The following KCNG2 variants were observed in gnomAD, a reference collection of about 807,000 sequenced individuals.
KCNG2 encodes the protein voltage-gated potassium channel regulatory subunit KCNG2.
KCNG2 carries 7 observed loss-of-function variants against 12.3 expected under a neutral mutation model. The observed-to-expected ratio is 0.57, with a 90% CI of 0.32 to 1.07. The LOEUF is 1.07. Among genes scored for constraint, KCNG2 ranks in the 50% least tolerant of loss-of-function variants. The pLI, the probability that KCNG2 is intolerant of heterozygous loss-of-function variation, is 0.04. For missense variants in KCNG2, 703 were observed against 726.0 expected, an observed-to-expected ratio of 0.97 and a Z score of 0.36; for synonymous variants, 414 against 351.4, an observed-to-expected ratio of 1.18 and a Z score of -1.99.
At chr18:79,854,790 G>A (rs530829990) in intron 1 of KCNG2, among the ~76,000 whole-genome samples, 2 of 152,286 alleles carry the variant, frequency 1.3e-5, no homozygotes, top group East Asian at 3.9e-4. Context: ...AGGGATTACA[G>A]GTGTGAGCCA....
At chr18:79,826,381 T>A (rs994410688) in intron 1 of KCNG2, among the ~76,000 whole-genome samples, 9 of 152,252 alleles carry the variant, frequency 5.9e-5, no homozygotes, top group Non-Finnish European at 1.0e-4. Flanking sequence ...TTCCCAGGCC[T>A]GCCCAGCTGC....
chr18:79,868,656 C>A (rs1338346244), intron 3 of KCNG2, among the ~76,000 whole-genome samples: 1 of 152,162 alleles, frequency 6.6e-6, no homozygotes, highest in African/African-American at 2.4e-5. Flanking sequence ...AGGACGTCAC[C>A]TTTTGTCCAC....
Position 79,899,745 on chromosome 18 carries a change from T to A in KCNG2, c.1330T>A (p.Ser444Thr), listed in dbSNP as rs759517480. 1 of 1,588,330 alleles carries A rather than the reference T, an allele frequency of 6.3e-7. No individual in the cohort carries two copies. Among genetic ancestry groups the A allele is most frequent in the Admixed American group, 1.7e-5 (1 of 57,972 alleles). The change falls in exon 4 of 4, where the codon TCG becomes ACG. Residue 444 changes from serine to threonine, a missense_variant. Physicochemically the swap from Ser to Thr is moderately conservative, Grantham distance 58. Coordinates refer to ENST00000316249, the MANE Select transcript of KCNG2 (RefSeq NM_012283.2). Reference sequence around the variant, plus strand: ...CTCGGCCACAGCCACCGAGGACAGCTCGCAGGGCCCCGACAGCGCGGGCCT... The same window carrying A: ...CTCGGCCACAGCCACCGAGGACAGCACGCAGGGCCCCGACAGCGCGGGCCT... Reference protein sequence around the residue: ...THSATATEDSSQGPDSAGLAD... With the variant: ...THSATATEDSTQGPDSAGLAD...
chr18:79,809,915 C>A (rs1196628489), intron 1 of KCNG2, among the ~76,000 whole-genome samples: 5 of 152,228 alleles, frequency 3.3e-5, no homozygotes, highest in Non-Finnish European at 7.3e-5. Flanking sequence ...GACGCTCCAA[C>A]TTTCCGGGGC....
rs2122986998 is a variant in KCNG2 at position 79,803,629 on chromosome 18, A to G, written c.-115+5615A>G. Among the ~76,000 whole-genome samples, 1 of 152,102 alleles carries G rather than the reference A, an allele frequency of 6.6e-6. No homozygotes were observed. Among genetic ancestry groups the G allele is most frequent in the Admixed American group, 6.5e-5 (1 of 15,288 alleles). On this transcript the variant is annotated intron_variant, in intron 1 of 3. Transcript: ENST00000316249. The surrounding 1 kb of genome is among the most constrained non-coding windows in gnomAD (Gnocchi z 4.5). ...ACCTGCAGGGCTGGCCGTGATTCTC[A>G]CCACTTGTGGTCCAAGGCTTCTGCT... is the stretch of plus-strand genomic sequence containing the variant.
At chr18:79,861,932 C>T (rs1407126106) in intron 2 of KCNG2, among the ~76,000 whole-genome samples, 2 of 152,226 alleles carry the variant, frequency 1.3e-5, no homozygotes, top group Non-Finnish European at 2.9e-5. Context: ...CTCTAATGAG[C>T]TTTTCATTTC....
rs749684550 is a variant in KCNG2, at chr18:79,899,161, C to T, written c.746C>T (p.Ala249Val). 20 of 1,606,710 alleles carry T rather than the reference C, an allele frequency of 1.2e-5. No individual in the cohort carries two copies. Among genetic ancestry groups the T allele is most frequent in the East Asian group, 2.2e-5 (1 of 44,836 alleles). The part of the protein sequence containing the change: ...QAESKCAFLR[A>V]PLNIIDILAL... ...GAGAGCAAGTGCGCCTTCCTGCGCGCGCCACTCAACATCATTGACATCCTG... is the reference window on the plus strand; with the variant it reads ...GAGAGCAAGTGCGCCTTCCTGCGCGTGCCACTCAACATCATTGACATCCTG... The change falls in exon 4 of 4, where the codon GCG becomes GTG. Residue 249 changes from alanine to valine, a missense_variant. Physicochemically the swap from Ala to Val is moderately conservative, Grantham distance 64. Coordinates refer to ENST00000316249, the MANE Select transcript of KCNG2 (RefSeq NM_012283.2).
chr18:79,802,362 G>A (rs538310695), intron 1 of KCNG2, among the ~76,000 whole-genome samples: 13 of 152,180 alleles, frequency 8.5e-5, no homozygotes, highest in Non-Finnish European at 1.3e-4. Context: ...GCTCCGGTCC[G>A]GAGAGCCTGG....
chr18:79,877,524 G>A (rs549219802), intron 3 of KCNG2, among the ~76,000 whole-genome samples: 18 of 152,286 alleles, frequency 1.2e-4, no homozygotes, highest in East Asian at 1.2e-3. Context: ...CTCCCTCGCC[G>A]TTGGGGACAA....
intron 1 of KCNG2, among the ~76,000 whole-genome samples, chr18:79,847,284 C>A (rs1169270878): frequency 6.6e-6 from 1 of 152,304 alleles, no homozygotes; most frequent in East Asian, 1.9e-4. Flanking sequence ...CGTTTGGGGT[C>A]GGATAGCTTT....
chr18:79,868,313 C>T (rs1979691343), intron 3 of KCNG2, among the ~76,000 whole-genome samples: 1 of 152,292 alleles, frequency 6.6e-6, no homozygotes, highest in African/African-American at 2.4e-5. Context: ...AAGCAGTCGC[C>T]CTCCGCGTGG....
chr18:79,800,511 G>C lies in KCNG2; in HGVS notation c.-115+2497G>C, dbSNP rs560866063. 6.6e-6 allele frequency among the ~76,000 whole-genome samples: 1 copy of C among 152,186 alleles called. No homozygotes were observed. The highest frequency in any genetic ancestry group is 1.5e-5 in the Non-Finnish European group (1 of 68,028). ...AGACCCCCTTCCTCAGATGAGGCTTGGGAGGCAGGATCTCGGCCCCCTAAA... is the reference window on the plus strand; with the variant it reads ...AGACCCCCTTCCTCAGATGAGGCTTCGGAGGCAGGATCTCGGCCCCCTAAA... On this transcript the variant is annotated intron_variant, in intron 1 of 3. Transcript: ENST00000316249. This position sits in a 1 kb window ranked among gnomAD's most constrained non-coding sequence, Gnocchi z 4.0.
chr18:79,843,229 A>G (rs1370460736), intron 1 of KCNG2, among the ~76,000 whole-genome samples: 1 of 152,204 alleles, frequency 6.6e-6, no homozygotes, highest in Non-Finnish European at 1.5e-5. Context: ...AAAAAAGTCA[A>G]CCAAGAATAT....
chr18:79,878,321 G>A (rs796578804), intron 3 of KCNG2, among the ~76,000 whole-genome samples: 1 of 69,824 alleles, frequency 1.4e-5, no homozygotes, highest in African/African-American at 4.1e-5. Flanking sequence ...GGCAGTGTGC[G>A]GAGGGCGCCT....
At chr18:79,849,342 C>T (rs944970641) in intron 1 of KCNG2, among the ~76,000 whole-genome samples, 1 of 152,248 alleles carries the variant, frequency 6.6e-6, no homozygotes, top group Non-Finnish European at 1.5e-5. Flanking sequence ...ACACACAACC[C>T]GCCCTCCCAG....
chr18:79,896,123 A>G (rs1305566149), intron 3 of KCNG2, among the ~76,000 whole-genome samples: 1 of 152,070 alleles, frequency 6.6e-6, no homozygotes, highest in Non-Finnish European at 1.5e-5. Context: ...ATGCCACCAC[A>G]CCCAGCTAAT....
chr18:79,829,557 C>G (rs568326479), intron 1 of KCNG2, among the ~76,000 whole-genome samples: 1 of 152,166 alleles, frequency 6.6e-6, no homozygotes, highest in East Asian at 1.9e-4. Flanking sequence ...TGCCTCACAT[C>G]GGTCCGTCTC....
intron 1 of KCNG2, among the ~76,000 whole-genome samples, chr18:79,818,794 C>T (rs1406923721): frequency 1.3e-5 from 2 of 152,160 alleles, no homozygotes; most frequent in Admixed American, 6.5e-5. Context: ...TCCGTGGGGG[C>T]TTTGGGGCTG....
intron 3 of KCNG2, among the ~76,000 whole-genome samples, chr18:79,872,529 C>T (rs932823456): frequency 1.3e-5 from 2 of 152,130 alleles, no homozygotes; most frequent in South Asian, 2.1e-4. Context: ...AGGTGATACA[C>T]GCACCTTGGC....
Sources: allele counts gnomAD v4.1 joint callset (sites outside exome capture counted in the v4.1 genomes callset), GRCh38; gene constraint gnomAD v4.1.1; non-coding constraint Gnocchi (gnomAD v3.1); transcripts MANE v1.5; gene names NCBI Gene and HGNC (gene_info 2026-07-23, HGNC 2026-07-21).